Variants in COL25A1 observed in about 807,000 individuals in gnomAD.
The protein encoded by COL25A1 is collagen type XXV alpha 1 chain, also known as collagen alpha-1(XXV) chain.
COL25A1 carries 103 observed loss-of-function variants against 128.4 expected under a neutral mutation model. The observed-to-expected ratio is 0.80, with a 90% CI of 0.68 to 0.94. The LOEUF is 0.94. Ranked by LOEUF, COL25A1 falls within the 40% of genes least tolerant of loss-of-function variation. The pLI, the probability that COL25A1 is intolerant of heterozygous loss-of-function variation, is 0.00. For synonymous variants in COL25A1, 279 were observed against 277.2 expected (o/e 1.01, Z -0.06); for missense variants, 745 against 840.0 (o/e 0.89, Z 1.40).
Position 108,940,616 on chromosome 4 carries a change from G to T in COL25A1, c.595C>A (p.Pro199Thr), listed in dbSNP as rs1321325162. The T allele has an allele frequency of 6.2e-7, 1 of 1,607,080 alleles. No homozygotes were observed. Among genetic ancestry groups the T allele is most frequent in the Admixed American group, 1.7e-5 (1 of 59,134 alleles). ...GDQGQAGPPG[P>T]PGPPGPRGPP... is the part of the protein sequence containing the mutation. ...CCTCTTGGGCCTGGAGGGCCAGGGG[G>T]TCCTGGAGGCCCTGCCTGTCCTTGG... Residue 199 changes from proline to threonine, a missense_variant, in exon 10 of 38, where the codon CCC becomes ACC. Coordinates refer to ENST00000399132, the MANE Select transcript of COL25A1 (RefSeq NM_198721.4).
intron 3 of COL25A1, among the ~76,000 whole-genome samples, chr4:109,197,442 T>TATATATATTATATATAAATATTATATATA (rs1202546312): frequency 3.2e-5 from 4 of 123,118 alleles, no homozygotes; most frequent in Non-Finnish European, 3.2e-5. Flanking sequence ...TATTATATAT[T>TATATATATTATATATAAATATTATATATA]ATATATATTA....
intron 35 of COL25A1, chr4:108,819,790 C>A: frequency 1.5e-5 from 18 of 1,182,000 alleles, no homozygotes; most frequent in Non-Finnish European, 1.9e-5. Context: ...CATCTGGAGA[C>A]AGTTCCACAA....
intron 11 of COL25A1, among the ~76,000 whole-genome samples, chr4:108,936,133 T>C (rs1747374531): frequency 6.6e-6 from 1 of 152,242 alleles, no homozygotes; most frequent in Non-Finnish European, 1.5e-5. Context: ...CTTCATACTC[T>C]ATAACTCCAT....
At chr4:109,293,605 C>T (rs1328956117) in intron 3 of COL25A1, among the ~76,000 whole-genome samples, 2 of 152,016 alleles carry the variant, frequency 1.3e-5, no homozygotes, top group South Asian at 2.1e-4. Context: ...GTACATAAAC[C>T]AGGAAACTAG....
intron 34 of COL25A1, among the ~76,000 whole-genome samples, chr4:108,824,490 C>G (rs1473711649): frequency 6.6e-6 from 1 of 152,178 alleles, no homozygotes; most frequent in Non-Finnish European, 1.5e-5. Context: ...TGAATTCTGG[C>G]AAGTTCACTG....
At chr4:109,168,010 G>A (rs1773237706) in intron 3 of COL25A1, among the ~76,000 whole-genome samples, 1 of 152,126 alleles carries the variant, frequency 6.6e-6, no homozygotes. Context: ...AGGGATAACA[G>A]TAATAGTTGG....
chr4:109,283,040 A>C (rs1723532502), intron 3 of COL25A1, among the ~76,000 whole-genome samples: 1 of 152,248 alleles, frequency 6.6e-6, no homozygotes, highest in African/African-American at 2.4e-5. Flanking sequence ...GTTCTTAATG[A>C]ACATAAGAAC....
intron 3 of COL25A1, among the ~76,000 whole-genome samples, chr4:109,191,996 C>A (rs2126163330): frequency 6.6e-6 from 1 of 152,272 alleles, no homozygotes; most frequent in East Asian, 1.9e-4. Context: ...TTAATTCCAA[C>A]AAGAAGTGTC....
chr4:109,150,563 G>A (rs1401390060), intron 3 of COL25A1, among the ~76,000 whole-genome samples: 5 of 152,114 alleles, frequency 3.3e-5, no homozygotes, highest in African/African-American at 7.2e-5. Context: ...TTAACAGTGT[G>A]TTTCAAAAAT....
intron 16 of COL25A1, 101 bp downstream of exon 16, chr4:108,896,566 A>G (rs1742177424): frequency 1.1e-6 from 1 of 914,296 alleles, no homozygotes; most frequent in African/African-American, 1.6e-5. Context: ...TTTTCATATT[A>G]AGCAACTCTC....
intron 14 of COL25A1, among the ~76,000 whole-genome samples, chr4:108,900,050 T>C (rs928808403): frequency 3.9e-5 from 6 of 152,142 alleles, no homozygotes; most frequent in Admixed American, 3.3e-4. Flanking sequence ...AATTATTGTA[T>C]TTTTTTAAAT....
chr4:108,855,191 G>GTTT (rs35873529), intron 24 of COL25A1, among the ~76,000 whole-genome samples: 69,732 of 131,226 alleles, frequency 0.53, 19,468 homozygotes, highest in South Asian at 0.65. Flanking sequence ...TGTTGTTACT[G>GTTT]TTTTTTTTTT....
intron 3 of COL25A1, among the ~76,000 whole-genome samples, chr4:109,241,843 T>C (rs1779915675): frequency 6.6e-6 from 1 of 152,086 alleles, no homozygotes; most frequent in Non-Finnish European, 1.5e-5. Context: ...CCCAGACAAC[T>C]ACCTCCATGA....
chr4:108,906,904 T>C (rs1426672372), intron 13 of COL25A1, among the ~76,000 whole-genome samples: 2 of 152,098 alleles, frequency 1.3e-5, no homozygotes, highest in African/African-American at 4.8e-5. Flanking sequence ...TAAGCCTACA[T>C]GAAGATGTGA....
In COL25A1 at chr4:109,103,640, C is replaced by T. The variant is rs138250391; in HGVS notation, c.368-53461G>A. Among the ~76,000 whole-genome samples the T allele has an allele frequency of 2.2e-3, 331 of 152,192 alleles. 1 individual carries two copies. Among genetic ancestry groups the T allele is most frequent in the African/African-American group, 7.7e-3 (321 of 41,530 alleles). Reference sequence around the variant, plus strand: ...TGTGGTATTGAAATGCCATTTCTCACTGAAAGGAATGAAGTCTTTTGAGAA... The same window carrying T: ...TGTGGTATTGAAATGCCATTTCTCATTGAAAGGAATGAAGTCTTTTGAGAA... On this transcript the variant is annotated intron_variant, in intron 3 of 37. Coordinates refer to ENST00000399132, the MANE Select transcript of COL25A1 (RefSeq NM_198721.4).
At chr4:109,071,631 G>C (rs906722387) in intron 3 of COL25A1, among the ~76,000 whole-genome samples, 50 of 152,202 alleles carry the variant, frequency 3.3e-4, no homozygotes, top group African/African-American at 1.1e-3. Flanking sequence ...TCAAAAAGTG[G>C]GCAAAGGTTA....
intron 19 of COL25A1, among the ~76,000 whole-genome samples, chr4:108,869,873 C>A (rs1318510943): frequency 6.6e-6 from 1 of 152,034 alleles, no homozygotes; most frequent in Admixed American, 6.5e-5. Context: ...TATTTGATTT[C>A]TTTCTAAGGC....
At chr4:109,130,797 A>G (rs1181522292) in intron 3 of COL25A1, among the ~76,000 whole-genome samples, 1 of 152,244 alleles carries the variant, frequency 6.6e-6, no homozygotes, top group African/African-American at 2.4e-5. Flanking sequence ...GCCACTGGTC[A>G]TTAAACTCTT....
chr4:109,231,701 T>C (rs908559914), intron 3 of COL25A1, among the ~76,000 whole-genome samples: 5 of 152,190 alleles, frequency 3.3e-5, no homozygotes, highest in South Asian at 2.1e-4. Flanking sequence ...TTAAGGTTTA[T>C]TGGAAAAGAT....
Sources: allele counts gnomAD v4.1 joint callset (sites outside exome capture counted in the v4.1 genomes callset), GRCh38; gene constraint gnomAD v4.1.1; transcripts MANE v1.5; gene names NCBI Gene and HGNC (gene_info 2026-07-23, HGNC 2026-07-21).